Variants in CELF5 observed in about 807,000 individuals in gnomAD.
The protein encoded by CELF5 is CUGBP Elav-like family member 5.
CELF5 carries 6 observed loss-of-function variants against 54.9 expected under a neutral mutation model. The ratio of observed to expected loss-of-function variants is 0.11; its 90% CI spans 0.06 to 0.22. The LOEUF (loss-of-function observed/expected upper bound fraction) is 0.22. Among genes scored for constraint, CELF5 ranks in the 10% least tolerant of loss-of-function variants. The pLI is 1.00. For missense variants in CELF5, 401 were observed against 678.6 expected, an observed-to-expected ratio of 0.59 and a Z score of 4.54; for synonymous variants, 271 against 290.9, an observed-to-expected ratio of 0.93 and a Z score of 0.70.
In CELF5 at chr19:3,278,213, C is replaced by A; in HGVS notation, c.603+103C>A. 1 of 828,180 alleles carries A rather than the reference C, an allele frequency of 1.2e-6. No individual in the cohort carries two copies. Among genetic ancestry groups the A allele is most frequent in the South Asian group, 1.6e-5 (1 of 61,844 alleles). The allele number at this position is 828,180 out of a possible 1,614,324, so 51.3% of individuals were successfully genotyped here. A position where few individuals can be genotyped will look rare whatever the true frequency, so the allele number is the denominator to read the frequency against. On this transcript the variant is annotated intron_variant, in intron 5 of 12. Transcript: ENST00000292672. The surrounding 1 kb of genome is among the most constrained non-coding windows in gnomAD (Gnocchi z 4.5). Reference sequence around the variant, plus strand: ...TCCTACCGTCGCTGTCATCCGGTAGCCCCTGGCTGTCCTTCAGAGGGGGCA... The same window carrying A: ...TCCTACCGTCGCTGTCATCCGGTAGACCCTGGCTGTCCTTCAGAGGGGGCA...
chr19:3,243,082 T>G (rs2079514079), intron 1 of CELF5, among the ~76,000 whole-genome samples: 1 of 152,150 alleles, frequency 6.6e-6, no homozygotes, highest in Admixed American at 6.6e-5. Context: ...ATGGGAACAA[T>G]GCCAGCAGCT....
At chr19:3,244,184 A>C (rs1166666471) in intron 1 of CELF5, among the ~76,000 whole-genome samples, 1 of 152,020 alleles carries the variant, frequency 6.6e-6, no homozygotes, top group Non-Finnish European at 1.5e-5. Context: ...GGAAGCCATA[A>C]GGAAGATTTT....
chr19:3,248,428 T>C (rs1474424769), intron 1 of CELF5, among the ~76,000 whole-genome samples: 1 of 151,730 alleles, frequency 6.6e-6, no homozygotes, highest in Non-Finnish European at 1.5e-5. Flanking sequence ...TCCATCTCTG[T>C]GAATCTGATG....
intron 2 of CELF5, among the ~76,000 whole-genome samples, chr19:3,260,152 C>T (rs1475632739): frequency 1.3e-5 from 2 of 152,032 alleles, no homozygotes; most frequent in African/African-American, 2.4e-5. Flanking sequence ...AGTCTGTCTC[C>T]ATCACCCAGG....
chr19:3,292,072 G>A (rs1467923242), intron 11 of CELF5, among the ~76,000 whole-genome samples: 1 of 152,028 alleles, frequency 6.6e-6, no homozygotes, highest in African/African-American at 2.4e-5. Flanking sequence ...TCAGCATCCC[G>A]AGTAGCTGGG....
chr19:3,294,070 T>C (rs1206422050), intron 12 of CELF5: 2 of 152,360 alleles, frequency 1.3e-5, no homozygotes, highest in Non-Finnish European at 1.5e-5. Context: ...CTGGGTGTCA[T>C]TCCTACCCAA....
intron 1 of CELF5, among the ~76,000 whole-genome samples, chr19:3,237,324 A>G (rs1917660228): frequency 6.6e-6 from 1 of 151,264 alleles, no homozygotes. Context: ...AAAAAAAAAA[A>G]AAAAAAAAAA....
intron 2 of CELF5, among the ~76,000 whole-genome samples, chr19:3,271,160 G>C (rs1439801931): frequency 1.3e-5 from 2 of 151,820 alleles, no homozygotes; most frequent in East Asian, 1.9e-4. Flanking sequence ...GTGCTGGGAG[G>C]GGGGAGGAGG....
chr19:3,288,757 G>A (rs1472633603), intron 10 of CELF5, among the ~76,000 whole-genome samples: 1 of 151,964 alleles, frequency 6.6e-6, no homozygotes, highest in African/African-American at 2.4e-5. Flanking sequence ...CCAAAGTGGG[G>A]GGATTGCTTG....
chr19:3,247,805 A>G (rs1461747321), intron 1 of CELF5, among the ~76,000 whole-genome samples: 10 of 152,098 alleles, frequency 6.6e-5, no homozygotes, highest in Non-Finnish European at 1.3e-4. Context: ...TCTGTTGCCC[A>G]GGCTGGAGTG....
chr19:3,244,514 A>G (rs1446632621), intron 1 of CELF5, among the ~76,000 whole-genome samples: 1 of 138,182 alleles, frequency 7.2e-6, no homozygotes, highest in African/African-American at 2.8e-5. Context: ...TGTGGTGTGC[A>G]TGCGTCTTGT....
At chr19:3,277,034 T>C (rs1184286967) in intron 4 of CELF5, among the ~76,000 whole-genome samples, 1 of 152,206 alleles carries the variant, frequency 6.6e-6, no homozygotes, top group Non-Finnish European at 1.5e-5. Flanking sequence ...TCTGTCTGTC[T>C]ATCTTCCTGC....
chr19:3,234,048 T>C (rs938493242), intron 1 of CELF5, among the ~76,000 whole-genome samples: 1 of 152,104 alleles, frequency 6.6e-6, no homozygotes, highest in Non-Finnish European at 1.5e-5. Flanking sequence ...GGTCTTTATA[T>C]CCAAGAGGAT....
intron 1 of CELF5, among the ~76,000 whole-genome samples, chr19:3,249,920 C>T (rs1215926942): frequency 6.6e-6 from 1 of 152,162 alleles, no homozygotes; most frequent in African/African-American, 2.4e-5. Context: ...GCCCCTCTGC[C>T]CACTCCCCTC....
chr19:3,275,617 C>G lies in CELF5; in HGVS notation c.395-239C>G, dbSNP rs531729681. The stretch of plus-strand genomic sequence containing the variant: ...GCAGGGAGGGCATTCCAGGCGGGGG[C>G]GCCACCTGGGCAAAGGCCGGGAGAT... On this transcript the variant is annotated intron_variant, in intron 3 of 12. Coordinates refer to ENST00000292672, the MANE Select transcript of CELF5 (RefSeq NM_021938.4). This position sits in a 1 kb window ranked among gnomAD's most constrained non-coding sequence, Gnocchi z 6.7. Among the ~76,000 whole-genome samples the G allele has an allele frequency of 1.4e-3, 217 of 152,288 alleles. 1 individual carries two copies. Among genetic ancestry groups the G allele is most frequent in the Non-Finnish European group, 2.0e-3 (139 of 68,026 alleles).
At chr19:3,230,084 A>ATTCATTCG (rs1253635045) in intron 1 of CELF5, among the ~76,000 whole-genome samples, 4 of 151,640 alleles carry the variant, frequency 2.6e-5, no homozygotes, top group African/African-American at 9.7e-5. Context: ...ACACTCATTC[A>ATTCATTCG]TTCATTCATT....
rs1192847761 is a variant in CELF5 at position 3,241,116 on chromosome 19, C to T, written c.260-9869C>T. On this transcript the variant is annotated intron_variant, in intron 1 of 12. Transcript: ENST00000292672. Reference sequence around the variant, plus strand: ...CTTGCTCTGTCACCAGGCTGGAGCGCAGTGGCACCATCTTGGCTCACTGCA... The same window carrying T: ...CTTGCTCTGTCACCAGGCTGGAGCGTAGTGGCACCATCTTGGCTCACTGCA... 2.0e-5 allele frequency among the ~76,000 whole-genome samples: 3 copies of T among 150,916 alleles called. No individual in the cohort carries two copies. In the East Asian group the frequency reaches 5.8e-4, roughly 29 times the overall value.
At chr19:3,240,791 A>C (rs2145018243) in intron 1 of CELF5, among the ~76,000 whole-genome samples, 1 of 151,912 alleles carries the variant, frequency 6.6e-6, no homozygotes, top group Middle Eastern at 3.4e-3. Context: ...CTGACCACAC[A>C]GGGTGTGGAG....
At chr19:3,237,496 C>T (rs954891881) in intron 1 of CELF5, among the ~76,000 whole-genome samples, 10 of 152,040 alleles carry the variant, frequency 6.6e-5, no homozygotes, top group Non-Finnish European at 2.9e-5. Context: ...GGGTCCTCCA[C>T]TTTTAGGATA....
Sources: gnomAD v4.1 joint callset for allele counts (sites outside exome capture counted in the v4.1 genomes callset) on GRCh38, gnomAD v4.1.1 for gene constraint, Gnocchi (gnomAD v3.1) non-coding constraint, MANE v1.5 for transcripts, NCBI Gene and HGNC (gene_info 2026-07-23, HGNC 2026-07-21) for gene names.